PEX7: variants seen among roughly 807,000 people sequenced by gnomAD.
PEX7 encodes the protein PTS2 receptor.
A neutral mutation model predicts 47.5 loss-of-function variants in PEX7; 34 were observed. The ratio of observed to expected loss-of-function variants is 0.72; its 90% CI spans 0.54 to 0.95. The LOEUF is 0.95. Ranked by LOEUF, PEX7 falls within the 40% of genes least tolerant of loss-of-function variation. The pLI is 0.00. For synonymous variants in PEX7, 141 were observed against 148.8 expected (o/e 0.95, Z 0.38); for missense variants, 394 against 400.3 (o/e 0.98, Z 0.13).
chr6:136,847,342 A>T (rs9494583), intron 5 of PEX7, among the ~76,000 whole-genome samples: 61,183 of 150,930 alleles, frequency 0.41, 13,127 homozygotes, highest in South Asian at 0.52. Context: ...GAAGCTCTTT[A>T]GTTTAATTAG....
At chr6:136,881,858 G>C (rs557101405) in intron 8 of PEX7, among the ~76,000 whole-genome samples, 2 of 152,166 alleles carry the variant, frequency 1.3e-5, no homozygotes, top group Non-Finnish European at 1.5e-5. Flanking sequence ...AGTGCCCCTG[G>C]GGAGGGAGGT....
In PEX7 at chr6:136,872,181, T is replaced by C. The variant is rs1562746798; in HGVS notation, c.748-17T>C. On this transcript the variant is annotated splice_polypyrimidine_tract_variant and intron_variant, in intron 7 of 9. Coordinates refer to ENST00000318471, the MANE Select transcript of PEX7 (RefSeq NM_000288.4). Reference sequence around the variant, plus strand: ...CTGACTTCAAAAAGGGTTTTTTTTTTCTTTTTTTTTTTGTAGTTTTCACCA... The same window carrying C: ...CTGACTTCAAAAAGGGTTTTTTTTTCCTTTTTTTTTTTGTAGTTTTCACCA... The C allele has an allele frequency of 1.9e-5, 31 of 1,593,798 alleles. No individual in the cohort carries two copies. Among genetic ancestry groups the C allele is most frequent in the African/African-American group, 1.2e-4 (9 of 74,000 alleles).
Position 136,913,457 on chromosome 6 carries a change from G to A in PEX7, c.904-1G>A, listed in dbSNP as rs1413838301. 6.2e-7 allele frequency: 1 copy of A among 1,609,296 alleles called. No homozygotes were observed. Among genetic ancestry groups the A allele is most frequent in the Non-Finnish European group, 8.5e-7 (1 of 1,176,274 alleles). ...CTTCTTACTTCATTTTTGTTTTCTA[G>A]GTGGCTGACTGTTCTTGGGATGAAA... is the stretch of plus-strand genomic sequence containing the variant. On this transcript the variant is annotated splice_acceptor_variant, in intron 9 of 9. Coordinates refer to ENST00000318471, the MANE Select transcript of PEX7 (RefSeq NM_000288.4). LOFTEE classifies it high-confidence loss of function.
intron 3 of PEX7, among the ~76,000 whole-genome samples, chr6:136,841,082 T>C (rs540881888): frequency 5.1e-4 from 77 of 152,328 alleles, no homozygotes; most frequent in Middle Eastern, 6.8e-3. Context: ...AATTGTAACC[T>C]CCTTTCCCCC....
chr6:136,869,379 A>G (rs1451739898), intron 6 of PEX7, among the ~76,000 whole-genome samples: 1 of 151,936 alleles, frequency 6.6e-6, no homozygotes, highest in Non-Finnish European at 1.5e-5. Context: ...TCAAGTAGCT[A>G]AAATTACAGG....
rs912952474 is a variant in PEX7 at position 136,874,292 on chromosome 6, T to G, written c.803+2039T>G. Reference sequence around the variant, plus strand: ...GATAACTTCATTTCTTTCATGGAAGTGAGTCTGTTTAAACTTTGTATCTCT... The same window carrying G: ...GATAACTTCATTTCTTTCATGGAAGGGAGTCTGTTTAAACTTTGTATCTCT... On this transcript the variant is annotated intron_variant, in intron 8 of 9. Transcript: ENST00000318471. Among the ~76,000 whole-genome samples, 9 of 152,200 alleles carry G rather than the reference T, an allele frequency of 5.9e-5. 1 individual carries two copies. The highest frequency in any genetic ancestry group is 1.3e-4 in the Admixed American group (2 of 15,278).
intron 2 of PEX7, 40 bp downstream of exon 2, chr6:136,825,311 A>G (rs749215714): frequency 4.7e-6 from 7 of 1,476,178 alleles, no homozygotes; most frequent in African/African-American, 1.4e-5. Context: ...TATTGTTGCT[A>G]TTAAAGCCTT....
chr6:136,860,689 T>C (rs1418513047), intron 5 of PEX7, among the ~76,000 whole-genome samples: 1 of 151,002 alleles, frequency 6.6e-6, no homozygotes, highest in Non-Finnish European at 1.5e-5. Context: ...AGAAAGAAAG[T>C]GGTGGTGTGG....
chr6:136,908,670 G>A (rs1337078197), intron 9 of PEX7, among the ~76,000 whole-genome samples: 2 of 151,836 alleles, frequency 1.3e-5, no homozygotes, highest in Non-Finnish European at 2.9e-5. Flanking sequence ...AGGGAAGAGA[G>A]TCAAACAAGA....
chr6:136,913,904 ATAAACTAT>A lies in PEX7; in HGVS notation c.*379_*386del, dbSNP rs1378366134. On this transcript the variant is annotated 3_prime_UTR_variant, in exon 10 of 10. Transcript: ENST00000318471. ...TAAAATATAATCACTGCTGTGATAA[ATAAACTAT>A]CTATTGATCATTTATCATTTTATAA... is the stretch of plus-strand genomic sequence containing the variant. The A allele has an allele frequency of 9.6e-6, 2 of 207,486 alleles. No individual in the cohort carries two copies. Among genetic ancestry groups the A allele is most frequent in the African/African-American group, 5.0e-5 (2 of 40,160 alleles). 12.9% of individuals were successfully genotyped at this position (207,486 alleles called of 1,614,324 possible).
intron 3 of PEX7, among the ~76,000 whole-genome samples, chr6:136,836,978 A>G (rs866597499): frequency 5.3e-5 from 8 of 151,866 alleles, no homozygotes; most frequent in Non-Finnish European, 5.9e-5. Context: ...AGAATTGGAA[A>G]GAAATTTGAA....
chr6:136,855,464 C>G (rs192472967), intron 5 of PEX7, among the ~76,000 whole-genome samples: 1 of 151,828 alleles, frequency 6.6e-6, no homozygotes, highest in Non-Finnish European at 1.5e-5. Flanking sequence ...CTCAGCCTCC[C>G]GAGTAGCTGG....
rs183362129 is a variant in PEX7, at chr6:136,871,312, T to C, written c.748-886T>C. On this transcript the variant is annotated intron_variant, in intron 7 of 9. Coordinates refer to ENST00000318471, the MANE Select transcript of PEX7 (RefSeq NM_000288.4). ...AACTTATTAAGTACATTATTACTCA[T>C]CTAGAAGACGTTACTTGTCTTTAAA... is the stretch of plus-strand genomic sequence containing the variant. Among the ~76,000 whole-genome samples, 11 of 152,344 alleles carry C rather than the reference T, an allele frequency of 7.2e-5. No individual in the cohort carries two copies. In the East Asian group the frequency reaches 2.1e-3, roughly 29 times the overall value.
chr6:136,877,375 A>T (rs953136214), intron 8 of PEX7, among the ~76,000 whole-genome samples: 1 of 152,158 alleles, frequency 6.6e-6, no homozygotes, highest in Non-Finnish European at 1.5e-5. Flanking sequence ...TGCTTTAGTC[A>T]TGAAGTCTTT....
At chr6:136,849,266 T>C (rs1228323762) in intron 5 of PEX7, among the ~76,000 whole-genome samples, 1 of 152,126 alleles carries the variant, frequency 6.6e-6, no homozygotes, top group Non-Finnish European at 1.5e-5. Flanking sequence ...GTCTTGCTAG[T>C]GGTCTATCAA....
At chr6:136,873,337 C>A (rs1775213877) in intron 8 of PEX7, among the ~76,000 whole-genome samples, 2 of 152,066 alleles carry the variant, frequency 1.3e-5, no homozygotes, top group Admixed American at 6.5e-5. Flanking sequence ...ATAAACAGTG[C>A]CACAGTGAAT....
Position 136,911,329 on chromosome 6 carries a change from C to G in PEX7, c.904-2129C>G, listed in dbSNP as rs539377921. 8.5e-5 allele frequency among the ~76,000 whole-genome samples: 13 copies of G among 152,298 alleles called. No homozygotes were observed. In the South Asian group the frequency reaches 2.5e-3, roughly 29 times the overall value. On this transcript the variant is annotated intron_variant, in intron 9 of 9. Coordinates refer to ENST00000318471, the MANE Select transcript of PEX7 (RefSeq NM_000288.4). ...TACTGAGCCTGTTAGCAATTCCTCCCTTTGTTTTGCTGAGCACATGCTGTT... is the reference window on the plus strand; with the variant it reads ...TACTGAGCCTGTTAGCAATTCCTCCGTTTGTTTTGCTGAGCACATGCTGTT...
At chr6:136,882,982 A>G (rs1775403217) in intron 8 of PEX7, among the ~76,000 whole-genome samples, 1 of 152,236 alleles carries the variant, frequency 6.6e-6, no homozygotes, top group African/African-American at 2.4e-5. Flanking sequence ...AAATGGATCT[A>G]CATCACTGAT....
intron 3 of PEX7, among the ~76,000 whole-genome samples, chr6:136,834,375 C>T (rs902159765): frequency 1.3e-5 from 2 of 152,162 alleles, no homozygotes; most frequent in Non-Finnish European, 2.9e-5. Flanking sequence ...TGCCACCATG[C>T]CTGGCTAATT....
Sources: gnomAD v4.1 joint callset for allele counts (sites outside exome capture counted in the v4.1 genomes callset) on GRCh38, gnomAD v4.1.1 for gene constraint, MANE v1.5 for transcripts, NCBI Gene and HGNC (gene_info 2026-07-23, HGNC 2026-07-21) for gene names.